Variants in FAM171A1 observed in about 807,000 individuals in gnomAD.
The protein encoded by FAM171A1 is protein FAM171A1.
A neutral mutation model predicts 74.9 loss-of-function variants in FAM171A1; 23 were observed. The ratio of observed to expected loss-of-function variants is 0.31; its 90% CI spans 0.22 to 0.44. The LOEUF is 0.44. Ranked by LOEUF, FAM171A1 falls within the 20% of genes least tolerant of loss-of-function variation. The probability of loss-of-function intolerance (pLI) is 1.00; values close to 1 mark genes in which losing one functional copy is unlikely to be tolerated. For synonymous variants in FAM171A1, 527 were observed against 505.7 expected (o/e 1.04, Z -0.57); for missense variants, 1,162 against 1,159.2 (o/e 1.00, Z -0.03).
chr10:15,316,735 A>G (rs1835426752), intron 1 of FAM171A1, among the ~76,000 whole-genome samples: 1 of 152,204 alleles, frequency 6.6e-6, no homozygotes, highest in African/African-American at 2.4e-5. Flanking sequence ...TGGCATAACT[A>G]TGGCAAAACA....
chr10:15,317,552 G>C (rs1475564871), intron 1 of FAM171A1, among the ~76,000 whole-genome samples: 1 of 150,516 alleles, frequency 6.6e-6, no homozygotes, highest in African/African-American at 2.4e-5. Context: ...GCGCCACCAC[G>C]CCTGGCTAAT....
intron 1 of FAM171A1, among the ~76,000 whole-genome samples, chr10:15,359,312 A>C (rs527452066): frequency 5.3e-5 from 8 of 152,324 alleles, no homozygotes; most frequent in Non-Finnish European, 1.0e-4. Context: ...GCACCACTTT[A>C]GATACAGCTT....
chr10:15,252,997 A>C (rs1834529322), intron 4 of FAM171A1, among the ~76,000 whole-genome samples: 1 of 152,018 alleles, frequency 6.6e-6, no homozygotes, highest in Non-Finnish European at 1.5e-5. Context: ...TGATATTTTA[A>C]AACTTTGTTT....
At chr10:15,273,195 A>C (rs182850984) in intron 3 of FAM171A1, among the ~76,000 whole-genome samples, 1 of 152,280 alleles carries the variant, frequency 6.6e-6, no homozygotes, top group African/African-American at 2.4e-5. Flanking sequence ...AGCAATAAAA[A>C]ATGATAAAGG....
chr10:15,308,993 C>T (rs1277598853), intron 1 of FAM171A1, among the ~76,000 whole-genome samples: 1 of 152,070 alleles, frequency 6.6e-6, no homozygotes, highest in Non-Finnish European at 1.5e-5. Context: ...TCAGTATTTC[C>T]ATAAATTGTT....
intron 1 of FAM171A1, among the ~76,000 whole-genome samples, chr10:15,293,210 C>T (rs1835122917): frequency 6.6e-6 from 1 of 152,148 alleles, no homozygotes; most frequent in Non-Finnish European, 1.5e-5. Flanking sequence ...ATCTCTAAAA[C>T]GAGTAGGCAT....
chr10:15,255,288 C>T (rs1012764687), intron 3 of FAM171A1, among the ~76,000 whole-genome samples: 2 of 152,134 alleles, frequency 1.3e-5, no homozygotes, highest in African/African-American at 2.4e-5. Context: ...CGCTGCAAAC[C>T]CGTCTTTAAT....
chr10:15,280,134 C>T (rs966760847), intron 2 of FAM171A1, among the ~76,000 whole-genome samples: 2 of 152,014 alleles, frequency 1.3e-5, no homozygotes, highest in African/African-American at 2.4e-5. Flanking sequence ...ACAATGCAGA[C>T]AAACACAGAC....
In FAM171A1 at chr10:15,248,685, C is replaced by T. The variant is rs1342161205; in HGVS notation, c.708G>A (p.Leu236=). Residue 236 remains leucine, a synonymous_variant, in exon 5 of 8, where the codon CTG becomes CTA. Transcript: ENST00000378116. ...ACGCCGCGACATAGGCATTGTGCCT[C>T]AGGCTGCTCTGCGTGGCCAGGGGCA... ...VTVPLATQSS[L]RHNAYVAAWR... 2.5e-6 allele frequency: 4 copies of T among 1,612,506 alleles called. No individual in the cohort carries two copies. The highest frequency in any genetic ancestry group is 1.7e-5 in the Admixed American group (1 of 59,800).
chr10:15,287,155 G>A (rs1333884652), intron 1 of FAM171A1, among the ~76,000 whole-genome samples: 1 of 142,438 alleles, frequency 7.0e-6, no homozygotes, highest in Non-Finnish European at 1.5e-5. Context: ...GCAGTGGTGC[G>A]ATCTCGGCTC....
chr10:15,232,938 T>C (rs747237296), intron 5 of FAM171A1, among the ~76,000 whole-genome samples: 6 of 152,240 alleles, frequency 3.9e-5, no homozygotes, highest in Middle Eastern at 6.3e-3. Flanking sequence ...TGTAAAATGT[T>C]GGTTTATAGG....
chr10:15,323,307 G>T (rs1588553672), intron 1 of FAM171A1, among the ~76,000 whole-genome samples: 1 of 151,998 alleles, frequency 6.6e-6, no homozygotes, highest in African/African-American at 2.4e-5. Flanking sequence ...ACAAAAATTA[G>T]CTTGGTGTGG....
chr10:15,344,009 G>T (rs1835793583), intron 1 of FAM171A1, among the ~76,000 whole-genome samples: 1 of 152,128 alleles, frequency 6.6e-6, no homozygotes, highest in Non-Finnish European at 1.5e-5. Context: ...TCTATAACAG[G>T]CAAGAAACCT....
chr10:15,318,433 G>C (rs556508275), intron 1 of FAM171A1, among the ~76,000 whole-genome samples: 1 of 152,190 alleles, frequency 6.6e-6, no homozygotes, highest in African/African-American at 2.4e-5. Context: ...CGTGCGGTAA[G>C]TCTATACAGA....
chr10:15,229,407 C>A (rs1173439957), intron 5 of FAM171A1, among the ~76,000 whole-genome samples: 1 of 152,038 alleles, frequency 6.6e-6, no homozygotes, highest in Non-Finnish European at 1.5e-5. Flanking sequence ...AAACACTCAT[C>A]ATCATCATCA....
chr10:15,364,213 T>TA (rs1836031551), intron 1 of FAM171A1, among the ~76,000 whole-genome samples: 1 of 152,200 alleles, frequency 6.6e-6, no homozygotes, highest in Admixed American at 6.5e-5. Flanking sequence ...AAGTGGCTTT[T>TA]GGCAGGGGTT....
chr10:15,362,678 G>A (rs989348241), intron 1 of FAM171A1, among the ~76,000 whole-genome samples: 2 of 152,112 alleles, frequency 1.3e-5, no homozygotes, highest in East Asian at 1.9e-4. Flanking sequence ...GAGCTGAGAG[G>A]GTGCCACTGC....
At chr10:15,237,427 T>A (rs1320306575) in intron 5 of FAM171A1, 1 of 152,166 alleles carries the variant, frequency 6.6e-6, no homozygotes, top group Non-Finnish European at 1.5e-5. Context: ...AATGGATTGA[T>A]AATACAAGAT....
intron 1 of FAM171A1, among the ~76,000 whole-genome samples, chr10:15,326,429 C>A (rs1190294063): frequency 6.6e-6 from 1 of 151,968 alleles, no homozygotes; most frequent in Non-Finnish European, 1.5e-5. Context: ...ATTCTCCTGT[C>A]TCAGCCTCCC....
Sources: allele counts gnomAD v4.1 joint callset (sites outside exome capture counted in the v4.1 genomes callset), GRCh38; gene constraint gnomAD v4.1.1; transcripts MANE v1.5; gene names NCBI Gene and HGNC (gene_info 2026-07-23, HGNC 2026-07-21).